The following NUDT6 variants were observed in gnomAD, a reference collection of about 807,000 sequenced individuals.
NUDT6 encodes the protein FAD diphosphatase NUDT6.
In NUDT6, 24 loss-of-function variants were observed where a neutral mutation model predicts 36.8. That is an observed-to-expected ratio of 0.65 (90% CI 0.47 to 0.92). The LOEUF is 0.92. Ranked by LOEUF, NUDT6 falls within the 40% of genes least tolerant of loss-of-function variation. The pLI, the probability that NUDT6 is intolerant of heterozygous loss-of-function variation, is 0.00. For synonymous variants in NUDT6, 163 were observed against 157.0 expected (o/e 1.04, Z -0.29); for missense variants, 388 against 392.8 (o/e 0.99, Z 0.10).
At chr4:122,900,057 A>ACCCCCC (rs57059464) in intron 3 of NUDT6, among the ~76,000 whole-genome samples, 2 of 88,718 alleles carry the variant, frequency 2.3e-5, no homozygotes, top group East Asian at 4.0e-4. Context: ...CACCCCCGCC[A>ACCCCCC]CCCCCCCCCC....
At chr4:122,914,952 CAT>C (rs1431515453) in intron 2 of NUDT6, among the ~76,000 whole-genome samples, 2 of 151,872 alleles carry the variant, frequency 1.3e-5, no homozygotes, top group Non-Finnish European at 2.9e-5. Context: ...CATAAAGAAA[CAT>C]AGAGCTGGAT....
chr4:122,918,047 G>A (rs1275497990), intron 1 of NUDT6: 1 of 223,624 alleles, frequency 4.5e-6, no homozygotes, highest in African/African-American at 2.3e-5. Context: ...TTTGAATGCT[G>A]TTCCTTTTAA....
At chr4:122,908,697 T>A (rs903151009) in intron 3 of NUDT6, among the ~76,000 whole-genome samples, 3 of 152,212 alleles carry the variant, frequency 2.0e-5, no homozygotes, top group Non-Finnish European at 4.4e-5. Flanking sequence ...CTTTTAAAAA[T>A]GTTTTACAGA....
chr4:122,907,805 TTGTG>T (rs1727651224), intron 3 of NUDT6, among the ~76,000 whole-genome samples: 1 of 152,146 alleles, frequency 6.6e-6, no homozygotes, highest in African/African-American at 2.4e-5. Flanking sequence ...AAATTCTTTC[TTGTG>T]TGAGATCCAA....
intron 2 of NUDT6, among the ~76,000 whole-genome samples, chr4:122,917,154 G>T (rs1017640027): frequency 6.6e-6 from 1 of 152,156 alleles, no homozygotes; most frequent in East Asian, 1.9e-4. Flanking sequence ...TTTTGAGAGA[G>T]ACCACATTCA....
At chr4:122,897,500 T>C (rs1727398450) in intron 4 of NUDT6, 124 bp downstream of exon 4, 3 of 704,918 alleles carry the variant, frequency 4.3e-6, no homozygotes, top group East Asian at 2.7e-5. Flanking sequence ...ATTTCTGAAA[T>C]GTTCAGACTC....
chr4:122,896,599 A>G (rs1295210187), intron 4 of NUDT6: 1 of 152,218 alleles, frequency 6.6e-6, no homozygotes, highest in Non-Finnish European at 1.5e-5. Context: ...CAACAGAAGA[A>G]TAAGCATAAA....
At chr4:122,916,982 G>C (rs972981190) in intron 2 of NUDT6, among the ~76,000 whole-genome samples, 2 of 152,194 alleles carry the variant, frequency 1.3e-5, no homozygotes, top group African/African-American at 4.8e-5. Context: ...TGGTGGGACA[G>C]AGCAGGATGG....
At chr4:122,895,949 G>GT (rs1727337497) in intron 4 of NUDT6, 1 of 152,540 alleles carries the variant, frequency 6.6e-6, no homozygotes, top group Non-Finnish European at 1.5e-5. Context: ...AATATCTTTT[G>GT]TTTTATGTTG....
At chr4:122,920,067 A>G (rs1352344019) in intron 1 of NUDT6, 2 of 152,254 alleles carry the variant, frequency 1.3e-5, no homozygotes, top group Admixed American at 6.5e-5. Context: ...GTTGGTAACA[A>G]AACATCAATA....
chr4:122,901,404 T>C (rs776655777), intron 3 of NUDT6, among the ~76,000 whole-genome samples: 1 of 152,210 alleles, frequency 6.6e-6, no homozygotes, highest in Non-Finnish European at 1.5e-5. Context: ...TGGTGAATGG[T>C]ATGACAATTT....
chr4:122,902,822 A>G lies in NUDT6; in HGVS notation c.499-5144T>C, dbSNP rs13146863. On this transcript the variant is annotated intron_variant, in intron 3 of 4. Coordinates refer to ENST00000304430, the MANE Select transcript of NUDT6 (RefSeq NM_007083.5). ...GAAAGAGAAAGGACATGTGAATGTC[A>G]ATTTAGATATGTGTTTGAATTTGTG... 9.9e-3 allele frequency among the ~76,000 whole-genome samples: 1,468 copies of G among 148,822 alleles called. 15 individuals carry two copies. Among genetic ancestry groups the G allele is most frequent in the Non-Finnish European group, 0.016 (1,095 of 66,772 alleles).
In NUDT6 at chr4:122,893,098, G is replaced by A. The variant is rs1404054559; in HGVS notation, c.681C>T (p.Cys227=). ...TGGTGAATGAATATGGCTTTAGGCG[G>A]CAGATGATATACATATCTGACTTCC... is the stretch of plus-strand genomic sequence containing the variant. ...AFGKSDMYII[C]RLKPYSFTIN... is the part of the protein sequence containing the mutation. Residue 227 remains cysteine (C), a synonymous_variant, in exon 5 of 5, where the codon TGC becomes TGT. Transcript: ENST00000304430. The A allele has an allele frequency of 6.2e-7, 1 of 1,614,124 alleles. No homozygotes were observed. The highest frequency in any genetic ancestry group is 1.7e-5 in the Admixed American group (1 of 60,006).
chr4:122,922,578 C>T lies in NUDT6; in HGVS notation c.-6G>A, dbSNP rs756144259. On this transcript the variant is annotated 5_prime_UTR_variant, in exon 1 of 5. The change creates a new upstream start codon in the 5' untranslated region. Coordinates refer to ENST00000304430, the MANE Select transcript of NUDT6 (RefSeq NM_007083.5). ...CAGCTCAGTGGCTGCCGCATCTCCA[C>T]GCCGCTTAATTCGTCCGTTGCCCAA... is the stretch of plus-strand genomic sequence containing the variant. 3.0e-5 allele frequency: 48 copies of T among 1,590,844 alleles called. No homozygotes were observed. Among genetic ancestry groups the T allele is most frequent in the Non-Finnish European group, 3.9e-5 (46 of 1,173,622 alleles).
intron 1 of NUDT6, chr4:122,920,937 G>A (rs548357501): frequency 6.6e-6 from 1 of 152,292 alleles, no homozygotes; most frequent in South Asian, 2.1e-4. Context: ...TTGCTCAATA[G>A]GATAAAGATT....
rs572887899 is a variant in NUDT6 at position 122,899,188 on chromosome 4, T to G, written c.499-1510A>C. Among the ~76,000 whole-genome samples the G allele has an allele frequency of 7.2e-5, 11 of 152,022 alleles. No individual in the cohort carries two copies. The East Asian group carries it at 1.9e-3, about 27-fold the overall frequency. ...GCTACCATAACCAGCCTGCAAGTTC[T>G]GTTTCTAACAAAAGAAAAGTTATAA... On this transcript the variant is annotated intron_variant, in intron 3 of 4. Coordinates refer to ENST00000304430, the MANE Select transcript of NUDT6 (RefSeq NM_007083.5).
intron 3 of NUDT6, among the ~76,000 whole-genome samples, chr4:122,907,449 C>CTTTTTTTTT (rs374300011): frequency 8.0e-6 from 1 of 125,430 alleles, no homozygotes. Flanking sequence ...TCTTTACTTT[C>CTTTTTTTTT]TTTTTTTTTT....
At chr4:122,896,101 C>T (rs1274985678) in intron 4 of NUDT6, 1 of 152,230 alleles carries the variant, frequency 6.6e-6, no homozygotes, top group Non-Finnish European at 1.5e-5. Flanking sequence ...ATGCCAACGG[C>T]AGTTTTTTTC....
At chr4:122,921,193 C>T (rs764873209) in intron 1 of NUDT6, 10 of 152,292 alleles carry the variant, frequency 6.6e-5, no homozygotes, top group South Asian at 2.1e-4. Context: ...ATAAAAGAAG[C>T]GTTATTCTAA....
Sources: allele counts gnomAD v4.1 joint callset (sites outside exome capture counted in the v4.1 genomes callset), GRCh38; gene constraint gnomAD v4.1.1; transcripts MANE v1.5; gene names NCBI Gene and HGNC (gene_info 2026-07-23, HGNC 2026-07-21).